The following EPHX3 variants were observed in gnomAD, a reference collection of about 807,000 sequenced individuals.
EPHX3 encodes the protein abhydrolase domain containing 9.
In EPHX3, 39 loss-of-function variants were observed where a neutral mutation model predicts 40.2. The ratio of observed to expected loss-of-function variants is 0.97; its 90% CI spans 0.75 to 1.27. The LOEUF (loss-of-function observed/expected upper bound fraction) is 1.27, where lower values mean the gene tolerates loss of function less well. EPHX3 is among the 50% of genes most tolerant of loss of function. The pLI, the probability that EPHX3 is intolerant of heterozygous loss-of-function variation, is 0.00. For synonymous variants in EPHX3, 213 were observed against 209.7 expected (o/e 1.02, Z -0.14); for missense variants, 442 against 474.0 (o/e 0.93, Z 0.63).
chr19:15,234,080 C>T (rs967210051), upstream of EPHX3, among the ~76,000 whole-genome samples: 3 of 151,252 alleles, frequency 2.0e-5, no homozygotes, highest in South Asian at 6.3e-4. Flanking sequence ...AAAAAAGCAG[C>T]CAGCTTCTTC....
At chr19:15,229,656 A>T (rs1487837285) in intron 4 of EPHX3, among the ~76,000 whole-genome samples, 3 of 151,198 alleles carry the variant, frequency 2.0e-5, no homozygotes, top group African/African-American at 7.3e-5. Flanking sequence ...GCACTTTGAG[A>T]GGCCAAGGTG....
chr19:15,230,608 G>A (rs1268443414), intron 4 of EPHX3, among the ~76,000 whole-genome samples: 1 of 151,548 alleles, frequency 6.6e-6, no homozygotes, highest in East Asian at 1.9e-4. Flanking sequence ...AGCCTCCCGA[G>A]TAGCTGGGAT....
At chr19:15,228,244 A>G in intron 4 of EPHX3, 144 bp from the exon 5 acceptor site, 2 of 652,328 alleles carry the variant, frequency 3.1e-6, no homozygotes, top group Non-Finnish European at 5.3e-6. Context: ...GGTACTAGAT[A>G]CCCCTCCTGG....
At chr19:15,234,654 C>T (rs1202696872), upstream of EPHX3, among the ~76,000 whole-genome samples, 2 of 152,300 alleles carry the variant, frequency 1.3e-5, no homozygotes, top group East Asian at 1.9e-4. Flanking sequence ...TTGCTCACAT[C>T]ACTACCCCGG....
chr19:15,232,491 A>G, upstream of EPHX3: 2 of 1,233,884 alleles, frequency 1.6e-6, no homozygotes, highest in Non-Finnish European at 2.1e-6. Context: ...AAGGGGGGAA[A>G]TAAATGGGCG....
At chr19:15,234,520 G>T (rs1023105122), upstream of EPHX3, among the ~76,000 whole-genome samples, 1 of 152,068 alleles carries the variant, frequency 6.6e-6, no homozygotes, top group African/African-American at 2.4e-5. Context: ...GTCCAGGCTG[G>T]TCTCAAACTC....
rs1769397495 is a variant in EPHX3, at chr19:15,228,100, T to A, written c.617A>T (p.Asp206Val). ...VSGAPMSVYQ[D>V]YSLHHISQFF... ...CTGGCTGATGTGGTGCAGGGAATAG[T>A]CTGGGGTGGGAGGGTTGGGGGAGAG... The change falls in exon 5 of 7, where the codon GAC (aspartate) becomes GTC (valine). Residue 206 changes from aspartate (D) to valine (V), a missense_variant and splice_region_variant. Physicochemically the swap from Asp to Val is radical, Grantham distance 152. Transcript: ENST00000221730. 1 of 874,110 alleles carries A rather than the reference T, an allele frequency of 1.1e-6. No individual in the cohort carries two copies. Among genetic ancestry groups the A allele is most frequent in the South Asian group, 1.3e-5 (1 of 77,096 alleles). The allele number at this position is 874,110 out of a possible 1,614,324, so 54.1% of individuals were successfully genotyped here.
At chr19:15,231,602 CT>C (rs2047154762) in intron 2 of EPHX3, among the ~76,000 whole-genome samples, 173 bp downstream of exon 2, 1 of 152,224 alleles carries the variant, frequency 6.6e-6, no homozygotes, top group Non-Finnish European at 1.5e-5. Context: ...CTCAATACCC[CT>C]TTGTCCTGTC....
intron 2 of EPHX3, among the ~76,000 whole-genome samples, 158 bp downstream of exon 2, chr19:15,231,616 TTC>T (rs2047154835): frequency 6.6e-6 from 1 of 152,180 alleles, no homozygotes; most frequent in Admixed American, 6.5e-5. Flanking sequence ...GTCCTGTCCC[TTC>T]AGGGCCTAGG....
rs1323110164 is a variant in EPHX3, at chr19:15,232,316, C to G, written c.-105G>C. ...GGCCCATCGCCCTTGGCCTGGGGCCCCTCCGTGCCGTCGGGATTTGTGGGA... is the reference window on the plus strand; with the variant it reads ...GGCCCATCGCCCTTGGCCTGGGGCCGCTCCGTGCCGTCGGGATTTGTGGGA... On this transcript the variant is annotated 5_prime_UTR_variant, in exon 1 of 7. Transcript: ENST00000221730. 2.2e-6 allele frequency: 3 copies of G among 1,381,542 alleles called. No individual in the cohort carries two copies. In the East Asian group the frequency reaches 9.0e-5, roughly 41 times the overall value. 85.6% of individuals were successfully genotyped at this position (1,381,542 alleles called of 1,614,324 possible).
In EPHX3 at chr19:15,232,216, C is replaced by T. The variant is rs759514774; in HGVS notation, c.-5G>A. On this transcript the variant is annotated 5_prime_UTR_variant, in exon 1 of 7. Transcript: ENST00000221730. ...GGTCACCACCAGCTCCGGCATGTCG[C>T]CGCGCTCCGGGACCACGGCGGCGCT... 4 of 1,499,886 alleles carry T rather than the reference C, an allele frequency of 2.7e-6. No individual in the cohort carries two copies. In the South Asian group the frequency reaches 5.0e-5, roughly 19 times the overall value. The allele number at this position is 1,499,886 out of a possible 1,614,324, so 92.9% of individuals were successfully genotyped here.
At chr19:15,236,964 G>C (rs2047196488), upstream of EPHX3, 1 of 201,776 alleles carries the variant, frequency 5.0e-6, no homozygotes, top group Non-Finnish European at 1.0e-5. Flanking sequence ...TCGTGGTGTA[G>C]AGTGGGTTCT....
upstream of EPHX3, chr19:15,235,676 C>T (rs896248754): frequency 1.3e-5 from 2 of 152,050 alleles, no homozygotes; most frequent in African/African-American, 4.8e-5. Context: ...AATTATTGGC[C>T]AAGCGATCCG....
chr19:15,229,787 T>C (rs528778441), intron 4 of EPHX3, among the ~76,000 whole-genome samples: 93 of 145,944 alleles, frequency 6.4e-4, no homozygotes, highest in Non-Finnish European at 9.5e-4. Context: ...CTTGGGAGGC[T>C]GAGGCAGGGG....
chr19:15,229,633 G>A (rs1223004590), intron 4 of EPHX3, among the ~76,000 whole-genome samples: 13 of 148,520 alleles, frequency 8.8e-5, no homozygotes, highest in African/African-American at 3.0e-4. Flanking sequence ...GGTGGCTCAC[G>A]CCTATACTCC....
intron 4 of EPHX3, 82 bp from the exon 5 acceptor site, chr19:15,228,182 G>A (rs2145479456): frequency 9.0e-7 from 1 of 1,114,340 alleles, no homozygotes; most frequent in African/African-American, 1.6e-5. Context: ...ACATACCCAG[G>A]TCAGGGACAC....
chr19:15,235,538 A>C (rs960718800), upstream of EPHX3: 1 of 151,234 alleles, frequency 6.6e-6, no homozygotes, highest in African/African-American at 2.4e-5. Flanking sequence ...ACTCAGTACA[A>C]ATGTTTATTT....
chr19:15,232,291 G>T lies in EPHX3; in HGVS notation c.-80C>A. The T allele has an allele frequency of 7.1e-7, 1 of 1,408,606 alleles. No homozygotes were observed. The highest frequency in any genetic ancestry group is 2.9e-5 in the East Asian group (1 of 34,332). The allele number at this position is 1,408,606 out of a possible 1,614,324, so 87.3% of individuals were successfully genotyped here. A position where few individuals can be genotyped will look rare whatever the true frequency, so the allele number is the denominator to read the frequency against. On this transcript the variant is annotated 5_prime_UTR_variant, in exon 1 of 7. Coordinates refer to ENST00000221730, the MANE Select transcript of EPHX3 (RefSeq NM_024794.3). ...CGGCGAAGCGGTGTCAGGGCTCAGG[G>T]GCCCATCGCCCTTGGCCTGGGGCCC...
upstream of EPHX3, among the ~76,000 whole-genome samples, chr19:15,234,459 C>T (rs910283605): frequency 2.0e-5 from 3 of 152,128 alleles, no homozygotes; most frequent in Admixed American, 6.5e-5. Context: ...CCTGTGCCAC[C>T]ACACTCAGCT....
Sources: gnomAD v4.1 joint callset for allele counts (sites outside exome capture counted in the v4.1 genomes callset) on GRCh38, gnomAD v4.1.1 for gene constraint, MANE v1.5 for transcripts, NCBI Gene and HGNC (gene_info 2026-07-23, HGNC 2026-07-21) for gene names.